The following CLYBL variants were observed in gnomAD, a reference collection of about 807,000 sequenced individuals.
CLYBL encodes the protein citramalyl-CoA lyase, also known as citramalyl-CoA lyase, mitochondrial.
Under a neutral mutation model 38.9 loss-of-function variants are expected in CLYBL, and 31 were observed. That is an observed-to-expected ratio of 0.80 (90% CI 0.60 to 1.08). The LOEUF is 1.08. Among genes scored for constraint, CLYBL ranks in the 50% least tolerant of loss-of-function variants. The pLI is 0.00. For missense variants in CLYBL, 434 were observed against 411.6 expected (o/e 1.05, Z -0.47); for synonymous variants, 171 against 158.6 (o/e 1.08, Z -0.59).
chr13:99,742,246 T>G (rs1865634843), intron 1 of CLYBL, among the ~76,000 whole-genome samples: 1 of 152,356 alleles, frequency 6.6e-6, no homozygotes, highest in East Asian at 1.9e-4. Context: ...GGTGTCTTTC[T>G]GGAAAATTCC....
At chr13:99,875,410 T>C (rs550337254) in intron 7 of CLYBL, among the ~76,000 whole-genome samples, 3 of 152,186 alleles carry the variant, frequency 2.0e-5, no homozygotes, top group Non-Finnish European at 2.9e-5. Context: ...CAGTAATACA[T>C]CCCTCCTCCC....
chr13:99,684,073 C>G (rs111492176), intron 1 of CLYBL, among the ~76,000 whole-genome samples: 10,982 of 128,116 alleles, frequency 0.086, 1,477 homozygotes, highest in African/African-American at 0.3. Flanking sequence ...ATAGAGACGA[C>G]GTTTCACCAT....
chr13:99,784,449 CTTTTTTT>C (rs772465561), intron 2 of CLYBL, among the ~76,000 whole-genome samples: 6 of 52,098 alleles, frequency 1.2e-4, no homozygotes, highest in Admixed American at 2.8e-4. Context: ...AAAATTCTCT[CTTTTTTT>C]TTTTTTTTTT....
rs147222026 is a variant in CLYBL, at chr13:99,823,858, G to A, written c.250-35003G>A. On this transcript the variant is annotated intron_variant, in intron 2 of 8. Coordinates refer to ENST00000339105, the MANE Select transcript of CLYBL (RefSeq NM_206808.5). ...TGTCATCCACTGCTCCATCTGAGCCGACTGCCCAGTAAATCGTTCTGGTAG... is the reference window on the plus strand; with the variant it reads ...TGTCATCCACTGCTCCATCTGAGCCAACTGCCCAGTAAATCGTTCTGGTAG... 7.7e-4 allele frequency among the ~76,000 whole-genome samples: 117 copies of A among 152,262 alleles called. 1 individual carries two copies. The highest frequency in any genetic ancestry group is 2.2e-3 in the African/African-American group (92 of 41,532).
chr13:99,717,246 T>C (rs2048330453), intron 1 of CLYBL, among the ~76,000 whole-genome samples: 1 of 150,612 alleles, frequency 6.6e-6, no homozygotes, highest in South Asian at 2.1e-4. Context: ...GACAACATGG[T>C]GAAACCCCGT....
rs2052670314 is a variant in CLYBL at position 99,904,113 on chromosome 13, C to T, written c.*25-1157C>T. 2.6e-5 allele frequency among the ~76,000 whole-genome samples: 4 copies of T among 151,816 alleles called. No individual in the cohort carries two copies. In the South Asian group the frequency reaches 8.3e-4, roughly 31 times the overall value. ...TATAAAAAGCACAGCATTTTGTTGC[C>T]AAAGAAGGACTTAGAGGTCACCTAA... On this transcript the variant is annotated intron_variant and NMD_transcript_variant, in intron 8 of 9. Transcript: ENST00000689673.
chr13:99,877,571 C>CTT (rs561372911), intron 7 of CLYBL: 13,213 of 211,690 alleles, frequency 0.062, 420 homozygotes, highest in Non-Finnish European at 0.07. Context: ...TTTTGTAATT[C>CTT]TTTTTTTTTT....
downstream of CLYBL, among the ~76,000 whole-genome samples, chr13:99,899,712 T>C (rs2052620170): frequency 6.6e-6 from 1 of 152,158 alleles, no homozygotes; most frequent in South Asian, 2.1e-4. Context: ...AAAGAATGAA[T>C]GTAAAATAAA....
At chr13:99,747,047 A>C (rs1279259434) in intron 1 of CLYBL, among the ~76,000 whole-genome samples, 1 of 152,102 alleles carries the variant, frequency 6.6e-6, no homozygotes, top group Non-Finnish European at 1.5e-5. Context: ...AAATCCCTCC[A>C]GTTTTCCGTC....
At chr13:99,658,503 T>C (rs1484958169) in intron 1 of CLYBL, among the ~76,000 whole-genome samples, 1 of 152,140 alleles carries the variant, frequency 6.6e-6, no homozygotes, top group Non-Finnish European at 1.5e-5. Context: ...TCCTCCTGTG[T>C]CCCTCTCCCC....
At chr13:99,670,504 G>C (rs80097389) in intron 1 of CLYBL, among the ~76,000 whole-genome samples, 5,018 of 152,212 alleles carry the variant, frequency 0.033, 127 homozygotes, top group Non-Finnish European at 0.048. Context: ...CTAGACACGT[G>C]CTCTAAAAAC....
chr13:99,793,031 A>G (rs2049949321), intron 2 of CLYBL, among the ~76,000 whole-genome samples: 1 of 100,656 alleles, frequency 9.9e-6, no homozygotes, highest in Non-Finnish European at 1.9e-5. Context: ...ATGTGCATAC[A>G]TAACACACAC....
In CLYBL at chr13:99,770,280, G is replaced by A. The variant is rs534353220; in HGVS notation, c.63-2544G>A. 4.0e-5 allele frequency among the ~76,000 whole-genome samples: 6 copies of A among 150,872 alleles called. No individual in the cohort carries two copies. The East Asian group carries it at 1.2e-3, about 30-fold the overall frequency. Reference sequence around the variant, plus strand: ...TATTTGTATTTTTAGTAGAGACAGGGTTTCACCATATTGGCCAGGCTGGTC... The same window carrying A: ...TATTTGTATTTTTAGTAGAGACAGGATTTCACCATATTGGCCAGGCTGGTC... On this transcript the variant is annotated intron_variant, in intron 1 of 8. Coordinates refer to ENST00000339105, the MANE Select transcript of CLYBL (RefSeq NM_206808.5).
rs1436388744 is a variant in CLYBL, at chr13:99,761,797, G to C, written c.63-11027G>C. Reference sequence around the variant, plus strand: ...TTACATTTTCATCAACAGTGTACAAGGGTTCCCTTTTCTCCACATCCTCAC... The same window carrying C: ...TTACATTTTCATCAACAGTGTACAACGGTTCCCTTTTCTCCACATCCTCAC... On this transcript the variant is annotated intron_variant, in intron 1 of 8. Transcript: ENST00000339105. 3.9e-5 allele frequency among the ~76,000 whole-genome samples: 6 copies of C among 152,260 alleles called. No homozygotes were observed. In the East Asian group the frequency reaches 9.7e-4, roughly 24 times the overall value.
intron 1 of CLYBL, among the ~76,000 whole-genome samples, chr13:99,624,806 C>T (rs1465376851): frequency 2.6e-5 from 4 of 152,186 alleles, no homozygotes; most frequent in Non-Finnish European, 5.9e-5. Context: ...ACAGCCCTTC[C>T]TCAACACAGG....
chr13:99,771,255 C>G (rs986205913), intron 1 of CLYBL, among the ~76,000 whole-genome samples: 13 of 152,104 alleles, frequency 8.5e-5, no homozygotes, highest in African/African-American at 2.9e-4. Context: ...GCTATGTTGC[C>G]CAGGCTGATC....
chr13:99,657,567 G>A (rs1418593939), intron 1 of CLYBL, among the ~76,000 whole-genome samples: 4 of 152,092 alleles, frequency 2.6e-5, no homozygotes, highest in African/African-American at 9.7e-5. Flanking sequence ...TAAAAAGGCA[G>A]TAAAATAAAC....
chr13:99,614,563 C>A (rs1310555179), intron 1 of CLYBL, among the ~76,000 whole-genome samples: 5 of 152,054 alleles, frequency 3.3e-5, no homozygotes, highest in Admixed American at 6.5e-5. Flanking sequence ...CCTGCCCGGG[C>A]AGGTGTAGCT....
chr13:99,833,682 G>GTTTT (rs2050870082), intron 2 of CLYBL, among the ~76,000 whole-genome samples: 1 of 69,526 alleles, frequency 1.4e-5, no homozygotes. Flanking sequence ...TTACCGTGTT[G>GTTTT]CTTTTTTTTT....
Sources: allele counts gnomAD v4.1 joint callset (sites outside exome capture counted in the v4.1 genomes callset), GRCh38; gene constraint gnomAD v4.1.1; transcripts MANE v1.5; gene names NCBI Gene and HGNC (gene_info 2026-07-23, HGNC 2026-07-21).